The following SPACA6 variants were observed in gnomAD, a reference collection of about 807,000 sequenced individuals.
The protein encoded by SPACA6 is sperm acrosome associated 6.
For missense variants in SPACA6, 8 were observed against 2.8 expected (o/e 2.88, Z -1.34); for synonymous variants, 6 against 1.5 (o/e 4.05, Z -2.21).
chr19:51,709,335 T>C (rs560637770), downstream of SPACA6, among the ~76,000 whole-genome samples: 1 of 150,972 alleles, frequency 6.6e-6, no homozygotes, highest in Admixed American at 6.6e-5. Context: ...CTGGCCAACA[T>C]GGTGAAACCC....
intron 1 of SPACA6, 74 bp downstream of exon 1, chr19:51,693,814 C>T (rs962577700): frequency 2.5e-6 from 1 of 402,382 alleles, no homozygotes; most frequent in Non-Finnish European, 4.4e-6. Context: ...CCCAGAGGGT[C>T]AGGCTGAGGG....
At chr19:51,693,241 C>T, upstream of SPACA6, 1 of 677,882 alleles carries the variant, frequency 1.5e-6, no homozygotes, top group Non-Finnish European at 2.9e-6. Flanking sequence ...TACCGGGCCA[C>T]CGCACACCAT....
intron 2 of SPACA6, among the ~76,000 whole-genome samples, chr19:51,710,386 G>T (rs2083536372): frequency 6.6e-6 from 1 of 152,234 alleles, no homozygotes. Context: ...CCATGTGGTA[G>T]TGGCTAGTGA....
At chr19:51,695,050 G>T (rs549523497) in intron 2 of SPACA6, among the ~76,000 whole-genome samples, 3 of 152,092 alleles carry the variant, frequency 2.0e-5, no homozygotes, top group South Asian at 2.1e-4. Context: ...ACACAGACAC[G>T]CTCAGAGACA....
At chr19:51,708,952 T>A (rs112371365), downstream of SPACA6, among the ~76,000 whole-genome samples, 2 of 151,586 alleles carry the variant, frequency 1.3e-5, no homozygotes, top group Non-Finnish European at 2.9e-5. Context: ...CGGGAGGACA[T>A]CCAGGAGGCC....
intron 2 of SPACA6, among the ~76,000 whole-genome samples, chr19:51,696,230 G>A (rs879450658): frequency 2.6e-5 from 4 of 152,178 alleles, no homozygotes; most frequent in African/African-American, 9.7e-5. Flanking sequence ...GAGGCCGGGA[G>A]AAGCTGGTGC....
At chr19:51,700,809 A>G (rs150001694) in intron 2 of SPACA6, among the ~76,000 whole-genome samples, 360 of 152,366 alleles carry the variant, frequency 2.4e-3, no homozygotes, top group Non-Finnish European at 4.1e-3. Context: ...AGACAAAAAC[A>G]GGGAACTTGG....
chr19:51,698,251 A>T (rs2083444304), intron 2 of SPACA6, among the ~76,000 whole-genome samples: 1 of 152,162 alleles, frequency 6.6e-6, no homozygotes, highest in Non-Finnish European at 1.5e-5. Context: ...ACTCAGACCC[A>T]GATGATCTGA....
downstream of SPACA6, among the ~76,000 whole-genome samples, chr19:51,706,291 C>CT (rs1055875141): frequency 2.6e-5 from 4 of 152,048 alleles, no homozygotes; most frequent in East Asian, 1.9e-4. Flanking sequence ...ATATTTTCTC[C>CT]TTTTTTTTGT....
intron 2 of SPACA6, among the ~76,000 whole-genome samples, chr19:51,701,115 G>C (rs148131351): frequency 7.9e-5 from 12 of 152,204 alleles, no homozygotes; most frequent in African/African-American, 2.9e-4. Context: ...CCTGCTACTC[G>C]GGAGGCTAGG....
upstream of SPACA6, among the ~76,000 whole-genome samples, chr19:51,684,716 A>C (rs898969256): frequency 2.0e-5 from 3 of 152,340 alleles, no homozygotes; most frequent in African/African-American, 4.8e-5. Flanking sequence ...AGCTTAAAAA[A>C]ATTTGCAAAA....
At chr19:51,702,424 G>T in intron 3 of SPACA6, 2 of 388,846 alleles carry the variant, frequency 5.1e-6, no homozygotes, top group Non-Finnish European at 9.1e-6. Context: ...AGCAGTCCTG[G>T]GCCTGACCTC....
intron 2 of SPACA6, among the ~76,000 whole-genome samples, chr19:51,696,164 G>A (rs920526517): frequency 1.8e-4 from 27 of 152,214 alleles, no homozygotes; most frequent in Admixed American, 1.3e-4. Context: ...GGGCAGCTCT[G>A]GGTGTAGAAA....
At chr19:51,701,527 T>TA in intron 2 of SPACA6, 131 bp from the exon 3 acceptor site, 2 of 388,198 alleles carry the variant, frequency 5.2e-6, no homozygotes, top group Non-Finnish European at 9.1e-6. Context: ...GAAGGGCAGA[T>TA]ACCATGACAG....
chr19:51,685,518 AT>A (rs1202951093), upstream of SPACA6: 9 of 152,178 alleles, frequency 5.9e-5, no homozygotes, highest in African/African-American at 1.9e-4. Context: ...TTTATACAAT[AT>A]TTTTGTGCAT....
At chr19:51,688,400 G>GCTCTCACAGCCTCTGGC (rs2083338680), upstream of SPACA6, 1 of 152,980 alleles carries the variant, frequency 6.5e-6, no homozygotes, top group Non-Finnish European at 1.5e-5. Flanking sequence ...CCCGCCCTGG[G>GCTCTCACAGCCTCTGGC]CTCTCACAGC....
intron 4 of SPACA6, 149 bp from the exon 5 acceptor site, chr19:51,702,872 G>A (rs1191779320): frequency 2.5e-6 from 1 of 398,698 alleles, no homozygotes; most frequent in Non-Finnish European, 4.4e-6. Flanking sequence ...GCGGAGAGGA[G>A]TGAGAGTCGG....
At chr19:51,689,368 G>T (rs2083350269), upstream of SPACA6, 2 of 151,888 alleles carry the variant, frequency 1.3e-5, no homozygotes, top group Admixed American at 1.3e-4. Context: ...CAGGGAGGGG[G>T]AGCCCCGGAC....
In SPACA6 at chr19:51,703,194, G is replaced by A. The variant is rs112084740; in HGVS notation, c.464-34G>A. 2 of 399,254 alleles carry A rather than the reference G, an allele frequency of 5.0e-6. No individual in the cohort carries two copies. The highest frequency in any genetic ancestry group is 4.4e-5 in the Admixed American group (1 of 22,724). The allele number at this position is 399,254 out of a possible 1,614,324, so 24.7% of individuals were successfully genotyped here. On this transcript the variant is annotated intron_variant, in intron 5 of 8. Transcript: ENST00000637797. This position sits in a 1 kb window ranked among gnomAD's most constrained non-coding sequence, Gnocchi z 4.2. ...GCTGGTGGCGAGGCCAGACGTGGTCGGGGCCCAGCGAGTGAACCCTGCTCC... is the reference window on the plus strand; with the variant it reads ...GCTGGTGGCGAGGCCAGACGTGGTCAGGGCCCAGCGAGTGAACCCTGCTCC...
Sources: gnomAD v4.1 joint callset for allele counts (sites outside exome capture counted in the v4.1 genomes callset) on GRCh38, gnomAD v4.1.1 for gene constraint, Gnocchi (gnomAD v3.1) non-coding constraint, MANE v1.5 for transcripts, NCBI Gene and HGNC (gene_info 2026-07-23, HGNC 2026-07-21) for gene names.